EYS: variants seen among roughly 807,000 people sequenced by gnomAD.
The protein encoded by EYS is EGF-like photoreceptor maintenance factor.
In EYS, 250 loss-of-function variants were observed where a neutral mutation model predicts 282.1. That is an observed-to-expected ratio of 0.89 (90% confidence interval 0.80 to 0.98). EYS has a LOEUF of 0.98. Ranked by LOEUF, EYS falls within the 50% of genes least tolerant of loss-of-function variation. The pLI, the probability that EYS is intolerant of heterozygous loss-of-function variation, is 0.00. For synonymous variants in EYS, 1,355 were observed against 1,282.9 expected (o/e 1.06, Z -1.20); for missense variants, 4,016 against 3,709.0 (o/e 1.08, Z -2.15).
At chr6:65,258,414 G>A (rs78113512) in intron 12 of EYS, among the ~76,000 whole-genome samples, 4,546 of 152,026 alleles carry the variant, frequency 0.03, 88 homozygotes, top group South Asian at 0.045. Context: ...TGGGATACAG[G>A]ATTCCTGTGA....
intron 24 of EYS, among the ~76,000 whole-genome samples, chr6:64,609,704 G>A (rs1437623125): frequency 3.9e-5 from 6 of 152,016 alleles, no homozygotes; most frequent in Non-Finnish European, 8.8e-5. Flanking sequence ...GCAACATAGT[G>A]AGACCTCATC....
intron 2 of EYS, among the ~76,000 whole-genome samples, chr6:65,513,344 T>C (rs373590107): frequency 8.6e-5 from 13 of 152,004 alleles, no homozygotes; most frequent in Admixed American, 3.3e-4. Flanking sequence ...GATTCACAGC[T>C]GAATTCTACC....
chr6:65,091,452 G>GAAAT (rs59923804), intron 12 of EYS, among the ~76,000 whole-genome samples: 8,376 of 144,182 alleles, frequency 0.058, 351 homozygotes, highest in African/African-American at 0.11. Context: ...TACATCTCAA[G>GAAAT]AAATAAATAA....
rs528515435 is a variant in EYS, at chr6:64,044,682, A to T, written c.6725+21656T>A. Among the ~76,000 whole-genome samples the T allele has an allele frequency of 3.9e-5, 6 of 152,166 alleles. No homozygotes were observed. In the East Asian group the frequency reaches 1.2e-3, roughly 29 times the overall value. On this transcript the variant is annotated intron_variant, in intron 33 of 42. Coordinates refer to ENST00000503581, the MANE Select transcript of EYS (RefSeq NM_001142800.2). The stretch of plus-strand genomic sequence containing the variant: ...TCTTTCTGTTCTTTTCAGGGGAAAA[A>T]TTTACTTTTTCTTTTTTACTGTTGC...
chr6:63,999,316 C>T, intron 33 of EYS, 133 bp from the exon 34 acceptor site: 1 of 690,662 alleles, frequency 1.4e-6, no homozygotes, highest in Non-Finnish European at 2.6e-6. Context: ...AAATATGGAC[C>T]CAGCCAAGTG....
intron 26 of EYS, among the ~76,000 whole-genome samples, chr6:64,440,563 C>T (rs1306428192): frequency 6.6e-6 from 1 of 152,034 alleles, no homozygotes; most frequent in African/African-American, 2.4e-5. Flanking sequence ...TCAATTTTGA[C>T]ATTCTAATTT....
At chr6:64,076,069 A>G (rs1033723029) in intron 32 of EYS, among the ~76,000 whole-genome samples, 1 of 151,992 alleles carries the variant, frequency 6.6e-6, no homozygotes, top group African/African-American at 2.4e-5. Flanking sequence ...TACTTCAAAT[A>G]TCTATTTCTG....
chr6:64,250,731 A>G (rs1173425466), intron 30 of EYS, among the ~76,000 whole-genome samples: 1 of 152,170 alleles, frequency 6.6e-6, no homozygotes, highest in Non-Finnish European at 1.5e-5. Flanking sequence ...CAAATGGGAA[A>G]TCATTACTTA....
intron 12 of EYS, among the ~76,000 whole-genome samples, chr6:65,064,383 G>A (rs1773676698): frequency 7.1e-6 from 1 of 141,680 alleles, no homozygotes; most frequent in Non-Finnish European, 1.5e-5. Flanking sequence ...TATACTATGT[G>A]ATATATAGTA....
intron 12 of EYS, among the ~76,000 whole-genome samples, chr6:65,081,342 C>T (rs1352026158): frequency 6.6e-6 from 1 of 152,006 alleles, no homozygotes; most frequent in Non-Finnish European, 1.5e-5. Flanking sequence ...AAAACAGGGA[C>T]ATGTTGGAGC....
intron 2 of EYS, among the ~76,000 whole-genome samples, chr6:65,511,364 TGTGAGAGA>T (rs1307253003): frequency 6.8e-6 from 1 of 146,298 alleles, no homozygotes; most frequent in Non-Finnish European, 1.5e-5. Flanking sequence ...TGTGTGTGTG[TGTGAGAGA>T]GAGAGAGAGA....
intron 36 of EYS, among the ~76,000 whole-genome samples, chr6:63,812,386 C>A (rs1771070451): frequency 6.6e-6 from 1 of 152,204 alleles, no homozygotes; most frequent in Admixed American, 6.5e-5. Flanking sequence ...CCTGACCACC[C>A]TATTAAAGTA....
intron 31 of EYS, among the ~76,000 whole-genome samples, chr6:64,146,066 G>A (rs919153673): frequency 2.0e-5 from 3 of 152,030 alleles, no homozygotes; most frequent in African/African-American, 7.2e-5. Flanking sequence ...TTTTCCTCGT[G>A]TTGTATAATC....
chr6:65,550,151 T>TCATGGCATCTCACACTTG (rs1768559827), intron 2 of EYS, among the ~76,000 whole-genome samples: 2 of 21,160 alleles, frequency 9.5e-5, no homozygotes, highest in East Asian at 1.7e-3. Context: ...ATCTTTTTTT[T>TCATGGCATCTCACACTTG]TTTTTTTTTT....
chr6:65,165,757 C>A (rs1258615130), intron 12 of EYS, among the ~76,000 whole-genome samples: 2 of 150,938 alleles, frequency 1.3e-5, no homozygotes, highest in African/African-American at 4.8e-5. Context: ...AGTAAGACAA[C>A]TTATTTGGAA....
chr6:63,970,244 G>A (rs1196534868), intron 35 of EYS, among the ~76,000 whole-genome samples: 2 of 152,186 alleles, frequency 1.3e-5, no homozygotes, highest in South Asian at 4.1e-4. Flanking sequence ...CCACTTCATA[G>A]CATTACACTC....
intron 5 of EYS, among the ~76,000 whole-genome samples, chr6:65,481,086 T>C (rs955127743): frequency 6.6e-6 from 1 of 152,142 alleles, no homozygotes; most frequent in African/African-American, 2.4e-5. Context: ...TTATTATATA[T>C]TTTCAAAAAG....
At chr6:64,961,329 G>A (rs769602379) in intron 14 of EYS, among the ~76,000 whole-genome samples, 7 of 152,052 alleles carry the variant, frequency 4.6e-5, no homozygotes, top group African/African-American at 7.2e-5. Flanking sequence ...GGTGTTGTAT[G>A]TATCTGTTGT....
intron 12 of EYS, among the ~76,000 whole-genome samples, chr6:65,234,924 C>T (rs1419607759): frequency 6.6e-6 from 1 of 152,054 alleles, no homozygotes; most frequent in African/African-American, 2.4e-5. Context: ...GGTAAAAATG[C>T]CTGCAAGTAA....
Sources: allele counts gnomAD v4.1 joint callset (sites outside exome capture counted in the v4.1 genomes callset), GRCh38; gene constraint gnomAD v4.1.1; transcripts MANE v1.5; gene names NCBI Gene and HGNC (gene_info 2026-07-23, HGNC 2026-07-21).